The following TCP10L variants were observed in gnomAD, a reference collection of about 807,000 sequenced individuals.
The protein encoded by TCP10L is T-complex protein 10A homolog 1.
In TCP10L, 11 loss-of-function variants were observed where a neutral mutation model predicts 19.2. The ratio of observed to expected loss-of-function variants is 0.57; its 90% confidence interval spans 0.36 to 0.95. The LOEUF is 0.95. Ranked by LOEUF, TCP10L falls within the 40% of genes least tolerant of loss-of-function variation. TCP10L has a pLI of 0.01. For missense variants in TCP10L, 247 were observed against 263.9 expected (o/e 0.94, Z 0.44); for synonymous variants, 96 against 97.2 (o/e 0.99, Z 0.07).
At chr21:32,579,933 C>T (rs191952904) in intron 3 of TCP10L, among the ~76,000 whole-genome samples, 206 of 152,262 alleles carry the variant, frequency 1.4e-3, no homozygotes, top group Middle Eastern at 6.8e-3. Flanking sequence ...CTCTTCCTTC[C>T]GCAGAAGGAC....
chr21:32,577,002 C>G, intron 4 of TCP10L, 79 bp from the exon 5 acceptor site: 1 of 1,415,568 alleles, frequency 7.1e-7, no homozygotes, highest in Non-Finnish European at 9.7e-7. Context: ...ATCATACCAG[C>G]TATCACAGAA....
chr21:32,576,597 T>C lies in TCP10L; in HGVS notation c.*177A>G. The C allele has an allele frequency of 2.8e-6, 2 of 712,890 alleles. No individual in the cohort carries two copies. The highest frequency in any genetic ancestry group is 4.6e-6 in the Non-Finnish European group (2 of 437,806). 44.2% of individuals were successfully genotyped at this position (712,890 alleles called of 1,614,324 possible). A position where few individuals can be genotyped will look rare whatever the true frequency, so the allele number is the denominator to read the frequency against. On this transcript the variant is annotated 3_prime_UTR_variant, in exon 5 of 5. Coordinates refer to ENST00000300258, the MANE Select transcript of TCP10L (RefSeq NM_144659.7). ...TTGCTTTTATAGCATTAGAGACATG[T>C]CTGAAGAACTTCAAGTTTTTATCTA...
At chr21:32,583,215 A>G (rs74589995) in intron 2 of TCP10L, among the ~76,000 whole-genome samples, 25,979 of 151,508 alleles carry the variant, frequency 0.17, 2,406 homozygotes, top group East Asian at 0.28. Flanking sequence ...TTCTATTGTT[A>G]GTAGAGACAG....
chr21:32,584,370 C>A, intron 1 of TCP10L, 65 bp from the exon 2 acceptor site: 2 of 1,549,454 alleles, frequency 1.3e-6, no homozygotes, highest in Non-Finnish European at 1.7e-6. Flanking sequence ...TCAGTGTGGG[C>A]TGAAGGCCCC....
Position 32,582,454 on chromosome 21 carries a change from T to C in TCP10L, c.145-39A>G, listed in dbSNP as rs2146528611. Reference sequence around the variant, plus strand: ...GAGAACACCAGAAAAACCTCTCAGATGTCACAATGGGCACATTTATCTGCA... The same window carrying C: ...GAGAACACCAGAAAAACCTCTCAGACGTCACAATGGGCACATTTATCTGCA... On this transcript the variant is annotated intron_variant, in intron 2 of 4. Transcript: ENST00000300258. The surrounding 1 kb of genome is among the most constrained non-coding windows in gnomAD (Gnocchi z 4.2). The C allele has an allele frequency of 1.9e-6, 3 of 1,581,820 alleles. No individual in the cohort carries two copies. The highest frequency in any genetic ancestry group is 2.6e-6 in the Non-Finnish European group (3 of 1,163,536).
Position 32,582,844 on chromosome 21 carries a change from C to T in TCP10L, c.145-429G>A, listed in dbSNP as rs963872824. On this transcript the variant is annotated intron_variant, in intron 2 of 4. Coordinates refer to ENST00000300258, the MANE Select transcript of TCP10L (RefSeq NM_144659.7). This position sits in a 1 kb window ranked among gnomAD's most constrained non-coding sequence, Gnocchi z 4.2. ...CTGGGCTCAAGCAATCCACCTGCCT[C>T]GGCCTCCCAAAGTGCTGGGATTACA... is the stretch of plus-strand genomic sequence containing the variant. 4.6e-5 allele frequency among the ~76,000 whole-genome samples: 7 copies of T among 151,894 alleles called. No homozygotes were observed. The highest frequency in any genetic ancestry group is 7.4e-5 in the Non-Finnish European group (5 of 67,962).
chr21:32,579,575 G>A (rs2038469788), intron 3 of TCP10L, among the ~76,000 whole-genome samples: 3 of 152,114 alleles, frequency 2.0e-5, no homozygotes, highest in South Asian at 4.2e-4. Context: ...TCTTGTGAGC[G>A]TACATCCTGT....
Position 32,574,987 on chromosome 21 carries a change from G to A in TCP10L, c.*1787C>T, listed in dbSNP as rs528339880. On this transcript the variant is annotated 3_prime_UTR_variant, in exon 5 of 5. Coordinates refer to ENST00000300258, the MANE Select transcript of TCP10L (RefSeq NM_144659.7). ...AGTCCCGCAGCAGGCAAACACAGAA[G>A]AGAAAAGCCGAATCCCTGTGACACT... The A allele has an allele frequency of 1.3e-5, 2 of 152,352 alleles. No individual in the cohort carries two copies. The highest frequency in any genetic ancestry group is 4.2e-4 in the South Asian group (2 of 4,814). 9.4% of individuals were successfully genotyped at this position (152,352 alleles called of 1,614,324 possible).
At position 32,576,890 on chromosome 21, in the gene TCP10L, A is replaced by G; in HGVS notation, c.532T>C (p.Trp178Arg). The G allele has an allele frequency of 6.2e-7, 1 of 1,614,120 alleles. No individual in the cohort carries two copies. Among genetic ancestry groups the G allele is most frequent in the Non-Finnish European group, 8.5e-7 (1 of 1,180,004 alleles). ...CTATTTTCCTGTGGTGGTGTTTTCC[A>G]CGAGCTAATTCTTTCTATCTTTAAA... ...MSLKIERISS[W>R]KTPPQENRDK... Residue 178 changes from tryptophan to arginine, a missense_variant, in exon 5 of 5, where the codon TGG (tryptophan) becomes CGG (arginine). Trp to Arg is a moderately radical substitution (Grantham distance 101). Transcript: ENST00000300258.
In TCP10L at chr21:32,582,221, C is replaced by T. The variant is rs748367180; in HGVS notation, c.339G>A (p.Ala113=). The change falls in exon 3 of 5, where the codon GCG becomes GCA. Residue 113 remains alanine, a synonymous_variant. Coordinates refer to ENST00000300258, the MANE Select transcript of TCP10L (RefSeq NM_144659.7). This position sits in a 1 kb window ranked among gnomAD's most constrained non-coding sequence, Gnocchi z 4.2. The part of the protein sequence containing the change: ...ARKKSAASPH[A]GQESHTLALE... ...GTACCAGAGTGTGCGATTCTTGCCC[C>T]GCGTGTGGGGACGCTGCAGATTTCT... 21 of 1,614,124 alleles carry T rather than the reference C, an allele frequency of 1.3e-5. No individual in the cohort carries two copies. Among genetic ancestry groups the T allele is most frequent in the African/African-American group, 8.0e-5 (6 of 75,036 alleles).
intron 4 of TCP10L, 53 bp from the exon 5 acceptor site, chr21:32,576,976 A>C: frequency 6.4e-7 from 1 of 1,555,228 alleles, no homozygotes; most frequent in Non-Finnish European, 8.8e-7. Context: ...TATTATTTTT[A>C]AATGTTAAGC....
rs928777 is a variant in TCP10L at position 32,575,837 on chromosome 21, T to C, written c.*937A>G. 22,929 of 158,592 alleles carry C rather than the reference T, an allele frequency of 0.14. 1,990 individuals are homozygous for C. The highest frequency in any genetic ancestry group is 0.28 in the Middle Eastern group (87 of 306). The allele number at this position is 158,592 out of a possible 1,614,324, so 9.8% of individuals were successfully genotyped here. ...AGGAAGGTGCCAGATGAGAGGGCGCTCCATCAGGGTGGCAGCAATGCCATG... is the reference window on the plus strand; with the variant it reads ...AGGAAGGTGCCAGATGAGAGGGCGCCCCATCAGGGTGGCAGCAATGCCATG... On this transcript the variant is annotated 3_prime_UTR_variant, in exon 5 of 5. Transcript: ENST00000300258.
rs539677059 is a variant in TCP10L at position 32,573,826 on chromosome 21, C to A, written c.*2948G>T. 6.6e-6 allele frequency among the ~76,000 whole-genome samples: 1 copy of A among 152,108 alleles called. No homozygotes were observed. The highest frequency in any genetic ancestry group is 2.4e-5 in the African/African-American group (1 of 41,426). On this transcript the variant is annotated 3_prime_UTR_variant, in exon 5 of 5. Coordinates refer to ENST00000300258, the MANE Select transcript of TCP10L (RefSeq NM_144659.7). The stretch of plus-strand genomic sequence containing the variant: ...CAACCGCCACATTCAACACCTGATA[C>A]AAATAACACACAGAGACATACAAAT...
intron 1 of TCP10L, 149 bp downstream of exon 1, chr21:32,585,271 TG>T (rs2038549215): frequency 7.8e-6 from 2 of 255,986 alleles, no homozygotes; most frequent in Admixed American, 4.8e-5. Context: ...GGAAGTGGGC[TG>T]GGGTCACGGT....
rs781100003 is a variant in TCP10L at position 32,575,995 on chromosome 21, C to T, written c.*779G>A. The T allele has an allele frequency of 4.5e-5, 13 of 289,522 alleles. No individual in the cohort carries two copies. The highest frequency in any genetic ancestry group is 4.4e-4 in the East Asian group (7 of 16,012). 17.9% of individuals were successfully genotyped at this position (289,522 alleles called of 1,614,324 possible). On this transcript the variant is annotated 3_prime_UTR_variant, in exon 5 of 5. Transcript: ENST00000300258. The stretch of plus-strand genomic sequence containing the variant: ...ATCTCCAGTCACGGCCCCTGGAGAC[C>T]GGCATGTGGGCTGTGTGTGGGGTGG...
chr21:32,583,929 G>A (rs1455911467), intron 2 of TCP10L, among the ~76,000 whole-genome samples: 8 of 152,178 alleles, frequency 5.3e-5, no homozygotes, highest in African/African-American at 1.9e-4. Context: ...GAGAAAAGCT[G>A]GAATGTTAAT....
At chr21:32,585,383 C>G (rs528068997) in intron 1 of TCP10L, 38 bp downstream of exon 1, 168 of 178,498 alleles carry the variant, frequency 9.4e-4, no homozygotes, top group African/African-American at 4.0e-3. Context: ...AGGGAAGACC[C>G]TTTCCTTCAG....
chr21:32,582,314 C>G lies in TCP10L; in HGVS notation c.246G>C (p.Leu82Phe), dbSNP rs938339070. 6 of 1,614,048 alleles carry G rather than the reference C, an allele frequency of 3.7e-6. No individual in the cohort carries two copies. The Admixed American group carries it at 5.0e-5, about 13-fold the overall frequency. Residue 82 changes from leucine to phenylalanine, a missense_variant, in exon 3 of 5, where the codon TTG (leucine) becomes TTC (phenylalanine). By Grantham distance (22) the Leu-to-Phe change is conservative. Coordinates refer to ENST00000300258, the MANE Select transcript of TCP10L (RefSeq NM_144659.7). This position sits in a 1 kb window ranked among gnomAD's most constrained non-coding sequence, Gnocchi z 4.2. ...HGKLRSHIDA[L>F]REQNMELREK... ...CTCGGAGCTCCATGTTCTGCTCCCT[C>G]AAAGCATCTATATGACTCCGGAGTT...
At chr21:32,580,643 C>A (rs1011764484) in intron 3 of TCP10L, among the ~76,000 whole-genome samples, 4 of 152,156 alleles carry the variant, frequency 2.6e-5, no homozygotes, top group African/African-American at 9.7e-5. Context: ...TCCCCACTTA[C>A]GTTTGGAGGG....
Sources: gnomAD v4.1 joint callset for allele counts (sites outside exome capture counted in the v4.1 genomes callset) on GRCh38, gnomAD v4.1.1 for gene constraint, Gnocchi (gnomAD v3.1) non-coding constraint, MANE v1.5 for transcripts, NCBI Gene and HGNC (gene_info 2026-07-23, HGNC 2026-07-21) for gene names.